MFSD2B: variants seen among roughly 807,000 people sequenced by gnomAD.
MFSD2B encodes the protein MFSD2 lysolipid transporter B, sphingolipid, also known as sphingosine-1-phosphate transporter MFSD2B.
In MFSD2B, 56 loss-of-function variants were observed where a neutral mutation model predicts 58.4. The ratio of observed to expected loss-of-function variants is 0.96; its 90% CI spans 0.77 to 1.20. The LOEUF (loss-of-function observed/expected upper bound fraction) is 1.20, where lower values mean the gene tolerates loss of function less well. Ranked by LOEUF, MFSD2B falls within the 50% of genes most tolerant of loss-of-function variation. The pLI is 0.00. For synonymous variants in MFSD2B, 287 were observed against 294.4 expected, an observed-to-expected ratio of 0.97 and a Z score of 0.26; for missense variants, 645 against 667.6, an observed-to-expected ratio of 0.97 and a Z score of 0.37.
In MFSD2B at chr2:24,023,423, CG is replaced by C. The variant is rs1434782529; in HGVS notation, c.1170-154del. ...TGGCGGGGGGCCGGCAGGGGGCTGG[CG>C]GGGGGTACGAGCACACAGGCCATCT... On this transcript the variant is annotated intron_variant, in intron 11 of 13. Transcript: ENST00000338315. This position sits in a 1 kb window ranked among gnomAD's most constrained non-coding sequence, Gnocchi z 5.0. 1.3e-5 allele frequency: 12 copies of C among 919,958 alleles called. No individual in the cohort carries two copies. The highest frequency in any genetic ancestry group is 1.8e-5 in the Non-Finnish European group (11 of 612,020). 57.0% of individuals were successfully genotyped at this position (919,958 alleles called of 1,614,324 possible).
chr2:24,023,855 TG>T lies in MFSD2B; in HGVS notation c.1313+133del. The stretch of plus-strand genomic sequence containing the variant: ...CCTAAGCGCTACTCTTTGGAGAGTG[TG>T]GGGAACCACTTCCCCAGGTTTCTCT... On this transcript the variant is annotated intron_variant, in intron 12 of 13. Coordinates refer to ENST00000338315, the MANE Select transcript of MFSD2B (RefSeq NM_001346880.2). The surrounding 1 kb of genome is among the most constrained non-coding windows in gnomAD (Gnocchi z 5.0). 8.3e-7 allele frequency: 1 copy of T among 1,202,900 alleles called. No individual in the cohort carries two copies. The highest frequency in any genetic ancestry group is 1.2e-6 in the Non-Finnish European group (1 of 852,744). The allele number at this position is 1,202,900 out of a possible 1,614,324, so 74.5% of individuals were successfully genotyped here. A position where few individuals can be genotyped will look rare whatever the true frequency, so the allele number is the denominator to read the frequency against.
In MFSD2B at chr2:24,023,203, C is replaced by T; in HGVS notation, c.1133C>T (p.Ser378Phe). Residue 378 changes from serine to phenylalanine, a missense_variant, in exon 11 of 14, where the codon TCT becomes TTT. Transcript: ENST00000338315. The surrounding 1 kb of genome is among the most constrained non-coding windows in gnomAD (Gnocchi z 5.0). ...GTGGCATATGTCGTGGCCTTTGTAT[C>T]TGGCGTGAGCATTGCTGTGTCCTTG... ...APVAYVVAFV[S>F]GVSIAVSLLL... 1 of 1,613,704 alleles carries T rather than the reference C, an allele frequency of 6.2e-7. No individual in the cohort carries two copies. The highest frequency in any genetic ancestry group is 2.2e-5 in the East Asian group (1 of 44,864).
In MFSD2B at chr2:24,016,309, A is replaced by G. The variant is rs928664894; in HGVS notation, c.347+29A>G. The G allele has an allele frequency of 1.3e-5, 20 of 1,598,604 alleles. No individual in the cohort carries two copies. The African/African-American group carries it at 2.4e-4, about 19-fold the overall frequency. Reference sequence around the variant, plus strand: ...AGCAACCGCTCAGTCCTTAGGATCCAGGCACCTGGTCCTGGCCCTGAGGTC... The same window carrying G: ...AGCAACCGCTCAGTCCTTAGGATCCGGGCACCTGGTCCTGGCCCTGAGGTC... On this transcript the variant is annotated intron_variant, in intron 3 of 13. Coordinates refer to ENST00000338315, the MANE Select transcript of MFSD2B (RefSeq NM_001346880.2).
In MFSD2B at chr2:24,025,484, A is replaced by G. The variant is rs1356949300; in HGVS notation, c.*28A>G. The G allele has an allele frequency of 1.2e-5, 19 of 1,534,878 alleles. No individual in the cohort carries two copies. Among genetic ancestry groups the G allele is most frequent in the Non-Finnish European group, 1.6e-5 (18 of 1,145,860 alleles). On this transcript the variant is annotated 3_prime_UTR_variant, in exon 14 of 14. Coordinates refer to ENST00000338315, the MANE Select transcript of MFSD2B (RefSeq NM_001346880.2). The stretch of plus-strand genomic sequence containing the variant: ...CTTAGGAGGGCGACTGTGAATGGAC[A>G]CAGGAGCCAGCACCCTCGGGGCCTG...
chr2:24,023,339 G>A lies in MFSD2B; in HGVS notation c.1169+100G>A. 1 of 1,075,058 alleles carries A rather than the reference G, an allele frequency of 9.3e-7. No individual in the cohort carries two copies. The highest frequency in any genetic ancestry group is 1.4e-6 in the Non-Finnish European group (1 of 712,210). The allele number at this position is 1,075,058 out of a possible 1,614,324, so 66.6% of individuals were successfully genotyped here. On this transcript the variant is annotated intron_variant, in intron 11 of 13. Transcript: ENST00000338315. This position sits in a 1 kb window ranked among gnomAD's most constrained non-coding sequence, Gnocchi z 5.0. ...CCCCCTGCACCCAGCCTGTGCAGGA[G>A]ATGGAGGCCACCAGCTCCATCCTCA...
At position 24,025,756 on chromosome 2, in the gene MFSD2B, C is replaced by T; in HGVS notation, c.*300C>T. ...AACCTGGCTTGTGGACCAGTAATATCTGTGGCCTACCACCCATTCAAGAAA... is the reference window on the plus strand; with the variant it reads ...AACCTGGCTTGTGGACCAGTAATATTTGTGGCCTACCACCCATTCAAGAAA... On this transcript the variant is annotated 3_prime_UTR_variant, in exon 14 of 14. Coordinates refer to ENST00000338315, the MANE Select transcript of MFSD2B (RefSeq NM_001346880.2). 2.7e-6 allele frequency: 1 copy of T among 368,852 alleles called. No homozygotes were observed. The highest frequency in any genetic ancestry group is 4.9e-6 in the Non-Finnish European group (1 of 203,720). 22.8% of individuals were successfully genotyped at this position (368,852 alleles called of 1,614,324 possible).
At position 24,023,897 on chromosome 2, in the gene MFSD2B, A is replaced by G. The variant is rs1662890621; in HGVS notation, c.1313+171A>G. 6.6e-6 allele frequency among the ~76,000 whole-genome samples: 1 copy of G among 152,132 alleles called. No homozygotes were observed. The highest frequency in any genetic ancestry group is 2.4e-5 in the African/African-American group (1 of 41,418). On this transcript the variant is annotated intron_variant, in intron 12 of 13. Transcript: ENST00000338315. This position sits in a 1 kb window ranked among gnomAD's most constrained non-coding sequence, Gnocchi z 5.0. Reference sequence around the variant, plus strand: ...AGGTTTCTCTGTGCATGAGACTGAGAGGGCCAGCTCCCCTATTCTCAGTTC... The same window carrying G: ...AGGTTTCTCTGTGCATGAGACTGAGGGGGCCAGCTCCCCTATTCTCAGTTC...
Position 24,013,329 on chromosome 2 carries a change from TGG to T in MFSD2B, c.142_143del (p.Gly48HisfsTer23), listed in dbSNP as rs1558319530. ...RLSFCTKVCY[G>X]IGGVPNQIAS... ...TCTCATTCTGTACAAAGGTGTGCTA[TGG>T]CATTGGTGGGGTCCCCAACCAGATA... On this transcript the variant is annotated frameshift_variant, in exon 2 of 14. Transcript: ENST00000338315. LOFTEE classifies it high-confidence loss of function. The T allele has an allele frequency of 7.4e-6, 12 of 1,612,362 alleles. No individual in the cohort carries two copies.
At position 24,022,905 on chromosome 2, in the gene MFSD2B, G is replaced by C; in HGVS notation, c.1059+3G>C. The stretch of plus-strand genomic sequence containing the variant: ...AGACGTCAGCCTTTGGGATCTTTGT[G>C]AGTGAGGCGGGAATCAAGGATTGGG... On this transcript the variant is annotated splice_donor_region_variant and intron_variant, in intron 10 of 13. Transcript: ENST00000338315. The surrounding 1 kb of genome is among the most constrained non-coding windows in gnomAD (Gnocchi z 4.5). 1 of 1,608,108 alleles carries C rather than the reference G, an allele frequency of 6.2e-7. No individual in the cohort carries two copies. The highest frequency in any genetic ancestry group is 8.5e-7 in the Non-Finnish European group (1 of 1,177,558).
chr2:24,016,230 G>T lies in MFSD2B; in HGVS notation c.297G>T (p.Gly99=), dbSNP rs754370610. Residue 99 remains glycine (G), a synonymous_variant, in exon 3 of 14, where the codon GGG becomes GGT. Transcript: ENST00000338315. ...VSGAAADPVA[G]FFINRSQRTG... is the part of the protein sequence containing the mutation. Reference sequence around the variant, plus strand: ...GGGCGGCTGCTGACCCTGTGGCTGGGTTCTTCATCAACAGGAGCCAGAGGA... The same window carrying T: ...GGGCGGCTGCTGACCCTGTGGCTGGTTTCTTCATCAACAGGAGCCAGAGGA... The T allele has an allele frequency of 2.5e-5, 41 of 1,613,880 alleles. No individual in the cohort carries two copies. The East Asian group carries it at 8.0e-4, about 32-fold the overall frequency.
chr2:24,017,102 G>A lies in MFSD2B; in HGVS notation c.471+134G>A, dbSNP rs549104384. On this transcript the variant is annotated intron_variant, in intron 4 of 13. Coordinates refer to ENST00000338315, the MANE Select transcript of MFSD2B (RefSeq NM_001346880.2). The surrounding 1 kb of genome is among the most constrained non-coding windows in gnomAD (Gnocchi z 4.8). ...TGCCTGGACCATGCCATTGGCACTCGCCAGCCTTGCGCGGGACTGGCTGCC... is the reference window on the plus strand; with the variant it reads ...TGCCTGGACCATGCCATTGGCACTCACCAGCCTTGCGCGGGACTGGCTGCC... 74 of 1,410,576 alleles carry A rather than the reference G, an allele frequency of 5.2e-5. No individual in the cohort carries two copies. Among genetic ancestry groups the A allele is most frequent in the African/African-American group, 1.1e-4 (8 of 71,022 alleles). The allele number at this position is 1,410,576 out of a possible 1,614,324, so 87.4% of individuals were successfully genotyped here.
chr2:24,024,008 G>A lies in MFSD2B; in HGVS notation c.1314-87G>A, dbSNP rs866191075. 11 of 1,324,328 alleles carry A rather than the reference G, an allele frequency of 8.3e-6. No homozygotes were observed. Among genetic ancestry groups the A allele is most frequent in the South Asian group, 6.5e-5 (5 of 77,338 alleles). 82.0% of individuals were successfully genotyped at this position (1,324,328 alleles called of 1,614,324 possible). ...AATGAAGTCCACGTTTCAGGAGGGG[G>A]TGGGGTGGGGTGAGGTGTCGAGTCC... is the stretch of plus-strand genomic sequence containing the variant. On this transcript the variant is annotated intron_variant, in intron 12 of 13. Transcript: ENST00000338315. This position sits in a 1 kb window ranked among gnomAD's most constrained non-coding sequence, Gnocchi z 4.3.
rs878941229 is a variant in MFSD2B, at chr2:24,017,059, G to C, written c.471+91G>C. 1.4e-6 allele frequency: 2 copies of C among 1,479,206 alleles called. No homozygotes were observed. The highest frequency in any genetic ancestry group is 2.3e-4 in the Middle Eastern group (1 of 4,274). 91.6% of individuals were successfully genotyped at this position (1,479,206 alleles called of 1,614,324 possible). A position where few individuals can be genotyped will look rare whatever the true frequency, so the allele number is the denominator to read the frequency against. On this transcript the variant is annotated intron_variant, in intron 4 of 13. Coordinates refer to ENST00000338315, the MANE Select transcript of MFSD2B (RefSeq NM_001346880.2). This position sits in a 1 kb window ranked among gnomAD's most constrained non-coding sequence, Gnocchi z 4.8. ...AGTGTGCTGTGGGGGCAGGGCTGCC[G>C]CCCTCCCCACCCGCCTGTGCCTGGA...
chr2:24,023,663 C>G lies in MFSD2B; in HGVS notation c.1250C>G (p.Ser417Cys), dbSNP rs1573646513. ...GPGLETIFYS[S>C]YVFFTKLSGA... ...GGCCTGGAGACCATCTTCTACTCCT[C>G]CTACGTCTTCTTCACCAAGCTGTCT... is the stretch of plus-strand genomic sequence containing the variant. Residue 417 changes from serine (S) to cysteine (C), a missense_variant, in exon 12 of 14, where the codon TCC (serine) becomes TGC (cysteine). Physicochemically the swap from Ser to Cys is moderately radical, Grantham distance 112. Coordinates refer to ENST00000338315, the MANE Select transcript of MFSD2B (RefSeq NM_001346880.2). This position sits in a 1 kb window ranked among gnomAD's most constrained non-coding sequence, Gnocchi z 5.0. 3 of 1,613,988 alleles carry G rather than the reference C, an allele frequency of 1.9e-6. No individual in the cohort carries two copies. Among genetic ancestry groups the G allele is most frequent in the South Asian group, 1.1e-5 (1 of 91,088 alleles).
Position 24,024,530 on chromosome 2 carries a change from C to G in MFSD2B, c.1490+259C>G, listed in dbSNP as rs529785375. On this transcript the variant is annotated intron_variant, in intron 13 of 13. Transcript: ENST00000338315. The surrounding 1 kb of genome is among the most constrained non-coding windows in gnomAD (Gnocchi z 4.3). ...TTGATCTCCTATTGCTTTTGCTCTC[C>G]AAAGCCCCCTTGGTACCTCTTCTGC... is the stretch of plus-strand genomic sequence containing the variant. 6.6e-6 allele frequency among the ~76,000 whole-genome samples: 1 copy of G among 152,186 alleles called. No individual in the cohort carries two copies. Among genetic ancestry groups the G allele is most frequent in the South Asian group, 2.1e-4 (1 of 4,812 alleles).
Position 24,021,578 on chromosome 2 carries a change from C to T in MFSD2B, c.682-70C>T, listed in dbSNP as rs951009603. On this transcript the variant is annotated intron_variant, in intron 6 of 13. Transcript: ENST00000338315. This position sits in a 1 kb window ranked among gnomAD's most constrained non-coding sequence, Gnocchi z 5.7. ...GCTCCCACTGGGAGGCAGTACTGCC[C>T]TGCCCCTCCGGTGTCACCACCTCCA... is the stretch of plus-strand genomic sequence containing the variant. 9.1e-6 allele frequency: 13 copies of T among 1,433,204 alleles called. No homozygotes were observed. The Admixed American group carries it at 1.6e-4, about 17-fold the overall frequency. The allele number at this position is 1,433,204 out of a possible 1,614,324, so 88.8% of individuals were successfully genotyped here. A position where few individuals can be genotyped will look rare whatever the true frequency, so the allele number is the denominator to read the frequency against.
At chr2:24,016,466 C>A (rs1709149523) in intron 3 of MFSD2B, among the ~76,000 whole-genome samples, 186 bp downstream of exon 3, 1 of 152,322 alleles carries the variant, frequency 6.6e-6, no homozygotes, top group South Asian at 2.1e-4. Context: ...TGGGGACTCT[C>A]CCTCCCCAGA....
At position 24,013,303 on chromosome 2, in the gene MFSD2B, C is replaced by G. The variant is rs1432488848; in HGVS notation, c.115C>G (p.Leu39Val). 6.2e-7 allele frequency: 1 copy of G among 1,607,182 alleles called. No individual in the cohort carries two copies. The highest frequency in any genetic ancestry group is 1.7e-5 in the Admixed American group (1 of 59,856). ...CCTCCAGGACAGCAGAGCCGGTCGC[C>G]TCTCATTCTGTACAAAGGTGTGCTA... The part of the protein sequence containing the change: ...RGREDSRAGR[L>V]SFCTKVCYGI... The change falls in exon 2 of 14, where the codon CTC (leucine) becomes GTC (valine). Residue 39 changes from leucine (L) to valine (V), a missense_variant. Transcript: ENST00000338315.
chr2:24,020,254 G>A lies in MFSD2B; in HGVS notation c.682-1394G>A, dbSNP rs1662718848. 6.6e-6 allele frequency among the ~76,000 whole-genome samples: 1 copy of A among 152,300 alleles called. No individual in the cohort carries two copies. The highest frequency in any genetic ancestry group is 2.1e-4 in the South Asian group (1 of 4,826). ...GCAGAGCCTCATGTGAGCAGAGACT[G>A]GATGCTCTTGGTGGCTCACAACCCA... On this transcript the variant is annotated intron_variant, in intron 6 of 13. Coordinates refer to ENST00000338315, the MANE Select transcript of MFSD2B (RefSeq NM_001346880.2). The surrounding 1 kb of genome is among the most constrained non-coding windows in gnomAD (Gnocchi z 4.1).
Sources: gnomAD v4.1 joint callset for allele counts (sites outside exome capture counted in the v4.1 genomes callset) on GRCh38, gnomAD v4.1.1 for gene constraint, Gnocchi (gnomAD v3.1) non-coding constraint, MANE v1.5 for transcripts, NCBI Gene and HGNC (gene_info 2026-07-23, HGNC 2026-07-21) for gene names.